Variants in PPARGC1A observed in about 807,000 individuals in gnomAD.
PPARGC1A encodes the protein PPARG coactivator 1 alpha.
Under a neutral mutation model 88.7 loss-of-function variants are expected in PPARGC1A, and 25 were observed. The ratio of observed to expected loss-of-function variants is 0.28; its 90% confidence interval spans 0.21 to 0.39. The LOEUF is 0.39. Among genes scored for constraint, PPARGC1A ranks in the 10% least tolerant of loss-of-function variants. PPARGC1A has a pLI of 1.00. For missense variants in PPARGC1A, 880 were observed against 968.7 expected (o/e 0.91, Z 1.22); for synonymous variants, 363 against 355.6 (o/e 1.02, Z -0.24).
the PPARGC1A span, among the ~76,000 whole-genome samples, chr4:24,302,256 C>T: frequency 6.6e-6 from 1 of 152,196 alleles, no homozygotes; most frequent in Non-Finnish European, 1.5e-5. Context: ...GTTTACAAAA[C>T]ATCACGTATC....
chr4:24,443,498 G>A, the PPARGC1A span, among the ~76,000 whole-genome samples: 2 of 152,056 alleles, frequency 1.3e-5, no homozygotes, highest in Non-Finnish European at 2.9e-5. Flanking sequence ...GCAGAGTGTC[G>A]GAAACCACAC....
At chr4:24,037,550 G>A in the PPARGC1A span, among the ~76,000 whole-genome samples, 507 of 152,240 alleles carry the variant, frequency 3.3e-3, 3 homozygotes, top group African/African-American at 8.4e-3. Context: ...AAATAGAGCC[G>A]TCTATTATAA....
the PPARGC1A span, among the ~76,000 whole-genome samples, chr4:24,138,754 C>T: frequency 6.6e-6 from 1 of 152,154 alleles, no homozygotes; most frequent in Admixed American, 6.5e-5. Flanking sequence ...TCCCTGTAGC[C>T]TACAGACTCA....
the PPARGC1A span, among the ~76,000 whole-genome samples, chr4:24,234,507 T>C: frequency 1.3e-5 from 2 of 152,200 alleles, no homozygotes. Context: ...AGAACCATGA[T>C]ATCAAATTAG....
chr4:23,884,653 G>A, intron 2 of PPARGC1A, 99 bp downstream of exon 2: 3 of 1,028,470 alleles, frequency 2.9e-6, no homozygotes, highest in Non-Finnish European at 4.0e-6. Flanking sequence ...TTTGATGATA[G>A]CAAAGTAAGA....
chr4:23,812,651 T>A (rs1721131917), intron 10 of PPARGC1A, 96 bp downstream of exon 10: 1 of 1,573,304 alleles, frequency 6.4e-7, no homozygotes, highest in African/African-American at 1.4e-5. Flanking sequence ...TAACAAAGAC[T>A]TAGCTTTTGT....
At chr4:24,342,995 A>G in the PPARGC1A span, among the ~76,000 whole-genome samples, 2 of 152,210 alleles carry the variant, frequency 1.3e-5, no homozygotes, top group Admixed American at 6.5e-5. Flanking sequence ...TCATGTTATG[A>G]TGTTCTTAAT....
chr4:23,931,955 C>A, the PPARGC1A span, among the ~76,000 whole-genome samples: 1 of 152,134 alleles, frequency 6.6e-6, no homozygotes, highest in Non-Finnish European at 1.5e-5. Flanking sequence ...GATAATGATA[C>A]CCCATTGTCA....
At chr4:24,207,894 G>A in the PPARGC1A span, among the ~76,000 whole-genome samples, 1 of 152,116 alleles carries the variant, frequency 6.6e-6, no homozygotes, top group African/African-American at 2.4e-5. Context: ...CAAATCTAAT[G>A]GAACAATTAG....
the PPARGC1A span, among the ~76,000 whole-genome samples, chr4:24,123,702 T>C: frequency 6.6e-6 from 1 of 152,112 alleles, no homozygotes; most frequent in South Asian, 2.1e-4. Flanking sequence ...TTTTTTAGCC[T>C]GTGAAAGATT....
At chr4:23,809,077 ACT>A (rs1291525796) in intron 10 of PPARGC1A, among the ~76,000 whole-genome samples, 2 of 151,998 alleles carry the variant, frequency 1.3e-5, no homozygotes, top group Non-Finnish European at 2.9e-5. Flanking sequence ...CTTACTCATT[ACT>A]TTAAGGTTGT....
At chr4:23,945,814 C>T in the PPARGC1A span, among the ~76,000 whole-genome samples, 606 of 152,250 alleles carry the variant, frequency 4.0e-3, no homozygotes, top group Non-Finnish European at 6.1e-3. Context: ...AACTTGCTAC[C>T]GTTGCAAGGA....
chr4:24,429,140 T>TA, the PPARGC1A span, among the ~76,000 whole-genome samples: 5 of 152,250 alleles, frequency 3.3e-5, no homozygotes, highest in African/African-American at 1.2e-4. Context: ...ACAAAAGTGG[T>TA]AAAAAAAGAA....
chr4:24,189,547 C>T, the PPARGC1A span, among the ~76,000 whole-genome samples: 1 of 152,114 alleles, frequency 6.6e-6, no homozygotes, highest in Non-Finnish European at 1.5e-5. Context: ...TTTCTAATGT[C>T]ACCTCTTCCA....
the PPARGC1A span, among the ~76,000 whole-genome samples, chr4:24,389,914 C>T: frequency 2.6e-5 from 4 of 152,110 alleles, no homozygotes; most frequent in Non-Finnish European, 5.9e-5. Flanking sequence ...GTCTAAATAG[C>T]ATCAGTCCTC....
chr4:23,799,716 A>G (rs1718310689), intron 12 of PPARGC1A, among the ~76,000 whole-genome samples: 1 of 152,148 alleles, frequency 6.6e-6, no homozygotes, highest in Non-Finnish European at 1.5e-5. Context: ...GAGAGGAAGC[A>G]TCCTTCTTAG....
the PPARGC1A span, among the ~76,000 whole-genome samples, chr4:24,199,309 T>C: frequency 6.6e-6 from 1 of 152,158 alleles, no homozygotes; most frequent in Non-Finnish European, 1.5e-5. Flanking sequence ...GGGTCAAACC[T>C]GAACTTGGTA....
chr4:24,297,583 A>T, the PPARGC1A span, among the ~76,000 whole-genome samples: 1 of 152,336 alleles, frequency 6.6e-6, no homozygotes, highest in African/African-American at 2.4e-5. Context: ...ATTCATTACC[A>T]TAAACTCAAG....
At chr4:23,852,004 C>T (rs896025189) in intron 2 of PPARGC1A, among the ~76,000 whole-genome samples, 1 of 152,146 alleles carries the variant, frequency 6.6e-6, no homozygotes, top group African/African-American at 2.4e-5. Flanking sequence ...CAAGCTGGTC[C>T]ACAACCAAGA....
Sources: allele counts gnomAD v4.1 joint callset (sites outside exome capture counted in the v4.1 genomes callset), GRCh38; gene constraint gnomAD v4.1.1; transcripts MANE v1.5; gene names NCBI Gene and HGNC (gene_info 2026-07-23, HGNC 2026-07-21).